The following FAHD2A variants were observed in gnomAD, a reference collection of about 807,000 sequenced individuals.
FAHD2A encodes oxaloacetate tautomerase FAHD2A, mitochondrial.
Under a neutral mutation model 33.4 loss-of-function variants are expected in FAHD2A, and 27 were observed. That is an observed-to-expected ratio of 0.81 (90% CI 0.60 to 1.11). The LOEUF is 1.11. Ranked by LOEUF, FAHD2A falls within the 50% of genes most tolerant of loss-of-function variation. The pLI is 0.00. For synonymous variants in FAHD2A, 130 were observed against 153.3 expected (o/e 0.85, Z 1.12); for missense variants, 296 against 395.0 (o/e 0.75, Z 2.12).
chr2:95,418,417 G>T (rs1267710585), downstream of FAHD2A, among the ~76,000 whole-genome samples: 1 of 152,012 alleles, frequency 6.6e-6, no homozygotes, highest in Non-Finnish European at 1.5e-5. Flanking sequence ...ATGCATGAAG[G>T]TTGGGAGGAG....
At chr2:95,412,342 G>A in intron 5 of FAHD2A, 92 bp from the exon 6 acceptor site, 1 of 1,496,988 alleles carries the variant, frequency 6.7e-7, no homozygotes, top group Non-Finnish European at 9.2e-7. Context: ...CACCTGCCAA[G>A]TCACGAAGCA....
downstream of FAHD2A, among the ~76,000 whole-genome samples, chr2:95,419,063 G>C (rs1335172898): frequency 6.6e-6 from 1 of 152,024 alleles, no homozygotes; most frequent in Non-Finnish European, 1.5e-5. Flanking sequence ...GTTACCAAAA[G>C]CTGGAATAGA....
At chr2:95,418,013 T>C (rs374273374), downstream of FAHD2A, among the ~76,000 whole-genome samples, 368 of 147,422 alleles carry the variant, frequency 2.5e-3, 1 homozygote, top group Admixed American at 0.014. Flanking sequence ...TCTCAGACGA[T>C]AGAATCGAGT....
At position 95,405,738 on chromosome 2, in the gene FAHD2A, C is replaced by G. The variant is rs748028977; in HGVS notation, c.180C>G (p.Pro60=). ...GGVINLNAFD[P]TLPKTMTQFL... ...TTATCAACCTCAATGCCTTTGACCC[C>G]ACACTCCCGAAGACGATGACGCAGT... The change falls in exon 2 of 8, where the codon CCC becomes CCG. Residue 60 remains proline (P), a synonymous_variant. Transcript: ENST00000233379. The G allele has an allele frequency of 3.7e-6, 6 of 1,613,800 alleles. No individual in the cohort carries two copies. Among genetic ancestry groups the G allele is most frequent in the South Asian group, 1.1e-5 (1 of 91,062 alleles).
rs1558802439 is a variant in FAHD2A at position 95,412,555 on chromosome 2, G to GGCTGGCAGGACA, written c.794+17_794+18insGCAGGACAGCTG. 1.2e-6 allele frequency: 2 copies of GGCTGGCAGGACA among 1,613,926 alleles called. No individual in the cohort carries two copies. Among genetic ancestry groups the GGCTGGCAGGACA allele is most frequent in the Non-Finnish European group, 8.5e-7 (1 of 1,179,838 alleles). ...CCTGGGTCTCCCAGTGAGTGACAGG[G>GGCTGGCAGGACA]GCTGTCCTGCCAGCCCCGCTTCACC... On this transcript the variant is annotated intron_variant, in intron 6 of 7. Transcript: ENST00000233379.
chr2:95,418,875 G>C (rs1397484785), downstream of FAHD2A, among the ~76,000 whole-genome samples: 1 of 152,078 alleles, frequency 6.6e-6, no homozygotes, highest in Non-Finnish European at 1.5e-5. Context: ...TGAAAATAAA[G>C]TCTTTGCAGG....
chr2:95,421,005 CTGTGTGTGTGTGTGTGTGTGTGTGTGTG>C (rs57970330), downstream of FAHD2A, among the ~76,000 whole-genome samples: 35 of 129,992 alleles, frequency 2.7e-4, no homozygotes, highest in Non-Finnish European at 4.1e-4. Flanking sequence ...GAATGAACCT[CTGTGTGTGTGTGTGTGTGTGTGTGTGTG>C]TGTGTGTGTG....
At chr2:95,419,775 C>T (rs2104392161), downstream of FAHD2A, among the ~76,000 whole-genome samples, 1 of 152,058 alleles carries the variant, frequency 6.6e-6, no homozygotes, top group East Asian at 1.9e-4. Flanking sequence ...AGATAGATCT[C>T]TCACATACAG....
chr2:95,411,409 C>T (rs1682486956), intron 5 of FAHD2A, among the ~76,000 whole-genome samples: 1 of 152,266 alleles, frequency 6.6e-6, no homozygotes, highest in African/African-American at 2.4e-5. Context: ...GTGTGACTCA[C>T]CCAGCCACTG....
At position 95,412,686 on chromosome 2, in the gene FAHD2A, C is replaced by T; in HGVS notation, c.804C>T (p.Thr268=). Residue 268 remains threonine (T), a synonymous_variant, in exon 7 of 8, where the codon ACC becomes ACT. Coordinates refer to ENST00000233379, the MANE Select transcript of FAHD2A (RefSeq NM_016044.3). ...DLIAWVSQFV[T]FYPGDVILTG... The stretch of plus-strand genomic sequence containing the variant: ...TTCTGCTTTGATCCAGGTTTGTTAC[C>T]TTTTACCCAGGGGATGTCATCCTAA... 1 of 1,614,134 alleles carries T rather than the reference C, an allele frequency of 6.2e-7. No individual in the cohort carries two copies. Among genetic ancestry groups the T allele is most frequent in the Non-Finnish European group, 8.5e-7 (1 of 1,180,004 alleles).
At chr2:95,403,151 C>A (rs1680989554) in intron 1 of FAHD2A, among the ~76,000 whole-genome samples, 1 of 152,182 alleles carries the variant, frequency 6.6e-6, no homozygotes, top group South Asian at 2.1e-4. Context: ...CTCATGTCGC[C>A]GCCCCTTTGC....
chr2:95,408,836 T>C (rs929872859), intron 3 of FAHD2A, among the ~76,000 whole-genome samples: 40 of 152,206 alleles, frequency 2.6e-4, no homozygotes, highest in Admixed American at 1.7e-3. Flanking sequence ...AACTCTGCTG[T>C]TATAGTGTGA....
In FAHD2A at chr2:95,402,739, C is replaced by A. The variant is rs1340716808; in HGVS notation, c.-140C>A. The stretch of plus-strand genomic sequence containing the variant: ...CTCTCGGGTGATCCGGCCGAGTGGC[C>A]CTGGGTTAGCAGCTGCTGCATTTCC... On this transcript the variant is annotated 5_prime_UTR_variant, in exon 1 of 8. Transcript: ENST00000233379. 6.6e-6 allele frequency: 1 copy of A among 152,366 alleles called. No homozygotes were observed. Among genetic ancestry groups the A allele is most frequent in the Non-Finnish European group, 1.5e-5 (1 of 68,154 alleles). 9.4% of individuals were successfully genotyped at this position (152,366 alleles called of 1,614,324 possible).
intron 2 of FAHD2A, among the ~76,000 whole-genome samples, chr2:95,406,457 G>A (rs1249122664): frequency 6.6e-6 from 1 of 151,086 alleles, no homozygotes; most frequent in African/African-American, 2.4e-5. Context: ...AGGGACTTGG[G>A]TATATCTCTA....
chr2:95,407,345 C>CA (rs1193199148), intron 3 of FAHD2A, 188 bp downstream of exon 3: 4 of 786,990 alleles, frequency 5.1e-6, no homozygotes, highest in Non-Finnish European at 8.0e-6. Flanking sequence ...TTCCTGGTTA[C>CA]AAAAGCAATG....
chr2:95,412,582 G>A (rs769099160), intron 6 of FAHD2A, 40 bp downstream of exon 6: 30 of 1,613,684 alleles, frequency 1.9e-5, no homozygotes, highest in Non-Finnish European at 2.4e-5. Context: ...CGCTTCACCT[G>A]CCACACATGT....
intron 5 of FAHD2A, 59 bp downstream of exon 5, chr2:95,411,085 G>C (rs1682420242): frequency 6.3e-7 from 1 of 1,598,472 alleles, no homozygotes; most frequent in African/African-American, 1.3e-5. Context: ...CAGCGCTTCA[G>C]GGAGGAGCAT....
Position 95,414,645 on chromosome 2 carries a change from G to A in FAHD2A, c.*1688G>A. The A allele has an allele frequency of 5.1e-6, 1 of 197,822 alleles. No individual in the cohort carries two copies. Among genetic ancestry groups the A allele is most frequent in the Non-Finnish European group, 1.0e-5 (1 of 97,104 alleles). 12.3% of individuals were successfully genotyped at this position (197,822 alleles called of 1,614,324 possible). A position where few individuals can be genotyped will look rare whatever the true frequency, so the allele number is the denominator to read the frequency against. ...ATTGTCCACCTGGCCTCTGAGGCCA[G>A]GCACCCTCATTCCCCTCTCCCACCC... is the stretch of plus-strand genomic sequence containing the variant. On this transcript the variant is annotated 3_prime_UTR_variant, in exon 8 of 8. Transcript: ENST00000233379.
intron 3 of FAHD2A, among the ~76,000 whole-genome samples, chr2:95,408,952 G>T (rs1682054768): frequency 2.0e-5 from 3 of 152,168 alleles, no homozygotes; most frequent in Non-Finnish European, 2.9e-5. Flanking sequence ...AATACCCCCT[G>T]CCCTTTCCTT....
Sources: gnomAD v4.1 joint callset for allele counts (sites outside exome capture counted in the v4.1 genomes callset) on GRCh38, gnomAD v4.1.1 for gene constraint, MANE v1.5 for transcripts, NCBI Gene and HGNC (gene_info 2026-07-23, HGNC 2026-07-21) for gene names.